The following TTC28 variants were observed in gnomAD, a reference collection of about 807,000 sequenced individuals.
TTC28 encodes tetratricopeptide repeat domain 28.
TTC28 carries 61 observed loss-of-function variants against 198.0 expected under a neutral mutation model. The ratio of observed to expected loss-of-function variants is 0.31; its 90% CI spans 0.25 to 0.38. The LOEUF is 0.38. Among genes scored for constraint, TTC28 ranks in the 10% least tolerant of loss-of-function variants. The pLI, the probability that TTC28 is intolerant of heterozygous loss-of-function variation, is 1.00. For synonymous variants in TTC28, 1,171 were observed against 1,297.8 expected (o/e 0.90, Z 2.10); for missense variants, 2,678 against 3,164.0 (o/e 0.85, Z 3.69).
At chr22:28,166,092 T>A (rs1921903751) in intron 5 of TTC28, among the ~76,000 whole-genome samples, 1 of 152,094 alleles carries the variant, frequency 6.6e-6, no homozygotes, top group Admixed American at 6.6e-5. Flanking sequence ...AGGCCACTAC[T>A]TAATGGTAAA....
intron 4 of TTC28, among the ~76,000 whole-genome samples, chr22:28,297,376 T>C (rs1466208278): frequency 6.6e-6 from 1 of 151,846 alleles, no homozygotes; most frequent in African/African-American, 2.4e-5. Context: ...CAGCTATTTT[T>C]TTTTTTTTTT....
chr22:28,652,309 A>C (rs1459686889), intron 1 of TTC28, among the ~76,000 whole-genome samples: 3 of 152,248 alleles, frequency 2.0e-5, no homozygotes, highest in Non-Finnish European at 4.4e-5. Context: ...TGGAGTCCCC[A>C]AAACCTAGGA....
intron 2 of TTC28, among the ~76,000 whole-genome samples, chr22:28,387,502 C>T (rs916082575): frequency 1.1e-4 from 17 of 152,178 alleles, no homozygotes; most frequent in Non-Finnish European, 2.1e-4. Flanking sequence ...CTCTCCAGCA[C>T]CTGTTGTTTC....
In TTC28 at chr22:28,465,388, G is replaced by A. The variant is rs186508596; in HGVS notation, c.382-158745C>T. ...CTCCTGTAATCCTAGCACTTTGGGAGGCCGAGGCAGGCGGATCACAAGGTT... is the reference window on the plus strand; with the variant it reads ...CTCCTGTAATCCTAGCACTTTGGGAAGCCGAGGCAGGCGGATCACAAGGTT... On this transcript the variant is annotated intron_variant, in intron 2 of 22. Transcript: ENST00000397906. 2.0e-3 allele frequency among the ~76,000 whole-genome samples: 297 copies of A among 152,184 alleles called. 1 individual carries two copies. The highest frequency in any genetic ancestry group is 7.0e-3 in the African/African-American group (290 of 41,524).
chr22:28,508,154 C>T lies in TTC28; in HGVS notation c.381+121398G>A, dbSNP rs148487548. 3.3e-5 allele frequency among the ~76,000 whole-genome samples: 5 copies of T among 151,776 alleles called. No homozygotes were observed. In the East Asian group the frequency reaches 5.8e-4, roughly 18 times the overall value. ...AACACCCATCAGTATGCTGTCTTCA[C>T]ATCTCACATGCAAAGACAAACATAG... is the stretch of plus-strand genomic sequence containing the variant. On this transcript the variant is annotated intron_variant, in intron 2 of 22. Transcript: ENST00000397906.
chr22:28,083,803 A>T (rs1386066175), intron 12 of TTC28, among the ~76,000 whole-genome samples: 1 of 152,066 alleles, frequency 6.6e-6, no homozygotes, highest in Non-Finnish European at 1.5e-5. Flanking sequence ...AAATCGGGTC[A>T]CTCCCACCCT....
At chr22:28,668,957 G>C (rs1173589242) in intron 1 of TTC28, among the ~76,000 whole-genome samples, 5 of 24,894 alleles carry the variant, frequency 2.0e-4, no homozygotes, top group Admixed American at 9.5e-4. Flanking sequence ...ATACACCATG[G>C]AATACTATGC....
chr22:28,591,259 C>T (rs2050431140), intron 2 of TTC28, among the ~76,000 whole-genome samples: 1 of 150,638 alleles, frequency 6.6e-6, no homozygotes, highest in Admixed American at 6.6e-5. Flanking sequence ...AGGTACACAC[C>T]ACCTCACCTG....
chr22:28,543,108 G>A (rs1418210992), intron 2 of TTC28, among the ~76,000 whole-genome samples: 1 of 152,182 alleles, frequency 6.6e-6, no homozygotes, highest in African/African-American at 2.4e-5. Context: ...GCCAAGTTGT[G>A]AGGACTGCTT....
intron 5 of TTC28, among the ~76,000 whole-genome samples, chr22:28,171,834 A>G (rs1922710534): frequency 6.6e-6 from 1 of 152,174 alleles, no homozygotes; most frequent in Non-Finnish European, 1.5e-5. Context: ...CAATGAAGTC[A>G]ACAAAGAGCA....
At position 28,161,635 on chromosome 22, in the gene TTC28, T is replaced by C. The variant is rs181171846; in HGVS notation, c.1441+1457A>G. On this transcript the variant is annotated intron_variant, in intron 6 of 22. Coordinates refer to ENST00000397906, the MANE Select transcript of TTC28 (RefSeq NM_001145418.2). The stretch of plus-strand genomic sequence containing the variant: ...CACCACTATACTCCAGCCAAGGTAA[T>C]AGATGGAGACCCTGTCTCAAGAAAG... Among the ~76,000 whole-genome samples, 229 of 149,148 alleles carry C rather than the reference T, an allele frequency of 1.5e-3. 1 individual carries two copies. The highest frequency in any genetic ancestry group is 5.4e-3 in the African/African-American group (217 of 40,348).
At chr22:28,347,634 G>A (rs1235013959) in intron 2 of TTC28, among the ~76,000 whole-genome samples, 5 of 152,214 alleles carry the variant, frequency 3.3e-5, no homozygotes, top group Non-Finnish European at 5.9e-5. Context: ...CACTTTGGGA[G>A]GCTGAGGCGG....
chr22:28,226,676 C>T (rs905019625), intron 5 of TTC28, among the ~76,000 whole-genome samples: 1 of 152,194 alleles, frequency 6.6e-6, no homozygotes, highest in Non-Finnish European at 1.5e-5. Flanking sequence ...GATCCACCCG[C>T]CTTGGCCTCC....
intron 2 of TTC28, among the ~76,000 whole-genome samples, chr22:28,540,322 G>A (rs768334963): frequency 2.0e-5 from 3 of 152,150 alleles, no homozygotes; most frequent in African/African-American, 4.8e-5. Flanking sequence ...GCAAGAGAGA[G>A]AGAGTTGGGT....
intron 2 of TTC28, among the ~76,000 whole-genome samples, chr22:28,586,856 T>C (rs754854855): frequency 2.0e-5 from 3 of 152,200 alleles, no homozygotes; most frequent in Admixed American, 6.5e-5. Context: ...CTATTTTGTA[T>C]AAATAATACA....
intron 13 of TTC28, among the ~76,000 whole-genome samples, chr22:28,020,810 CACAG>C (rs1196898605): frequency 6.6e-6 from 1 of 152,158 alleles, no homozygotes; most frequent in Admixed American, 6.5e-5. Context: ...CACGCACACA[CACAG>C]AGCTTTCTCA....
intron 5 of TTC28, among the ~76,000 whole-genome samples, chr22:28,282,576 A>G (rs1035281319): frequency 3.3e-5 from 5 of 152,202 alleles, no homozygotes; most frequent in African/African-American, 1.2e-4. Flanking sequence ...CAGCTACTAC[A>G]TTGAGCAATC....
chr22:28,494,431 A>T (rs1239286773), intron 2 of TTC28, among the ~76,000 whole-genome samples: 1 of 152,160 alleles, frequency 6.6e-6, no homozygotes, highest in Non-Finnish European at 1.5e-5. Flanking sequence ...CTACCTAGGA[A>T]CTTTCCCCTA....
chr22:28,349,759 A>G (rs532561184), intron 2 of TTC28, among the ~76,000 whole-genome samples: 1 of 152,366 alleles, frequency 6.6e-6, no homozygotes, highest in South Asian at 2.1e-4. Flanking sequence ...AGAAAGTATT[A>G]TAATTTTGTG....
Sources: allele counts gnomAD v4.1 joint callset (sites outside exome capture counted in the v4.1 genomes callset), GRCh38; gene constraint gnomAD v4.1.1; transcripts MANE v1.5; gene names NCBI Gene and HGNC (gene_info 2026-07-23, HGNC 2026-07-21).